The following SIGMAR1 variants were observed in gnomAD, a reference collection of about 807,000 sequenced individuals.
SIGMAR1 encodes the protein SR31747 binding protein 1.
A neutral mutation model predicts 25.4 loss-of-function variants in SIGMAR1; 18 were observed. The observed-to-expected ratio is 0.71, with a 90% CI of 0.49 to 1.05. The LOEUF (loss-of-function observed/expected upper bound fraction) is 1.05, where lower values mean the gene tolerates loss of function less well. SIGMAR1 is among the 50% of genes least tolerant of loss of function. The probability of loss-of-function intolerance (pLI) is 0.00; values close to 1 mark genes in which losing one functional copy is unlikely to be tolerated. For missense variants in SIGMAR1, 249 were observed against 301.6 expected, an observed-to-expected ratio of 0.83 and a Z score of 1.29; for synonymous variants, 125 against 131.6, an observed-to-expected ratio of 0.95 and a Z score of 0.34.
In SIGMAR1 at chr9:34,635,271, G is replaced by C; in HGVS notation, c.*361C>G. The C allele has an allele frequency of 2.8e-6, 1 of 360,796 alleles. No individual in the cohort carries two copies. Among genetic ancestry groups the C allele is most frequent in the Non-Finnish European group, 5.4e-6 (1 of 186,520 alleles). The allele number at this position is 360,796 out of a possible 1,614,324, so 22.3% of individuals were successfully genotyped here. A position where few individuals can be genotyped will look rare whatever the true frequency, so the allele number is the denominator to read the frequency against. On this transcript the variant is annotated 3_prime_UTR_variant, in exon 4 of 4. Coordinates refer to ENST00000277010, the MANE Select transcript of SIGMAR1 (RefSeq NM_005866.4). This position sits in a 1 kb window ranked among gnomAD's most constrained non-coding sequence, Gnocchi z 4.5. Reference sequence around the variant, plus strand: ...CCCCCATCCTTAACTCTAGAACCCCGGTTTGGTGGGGAGGAGGTGGGAAGC... The same window carrying C: ...CCCCCATCCTTAACTCTAGAACCCCCGTTTGGTGGGGAGGAGGTGGGAAGC...
intron 3 of SIGMAR1, among the ~76,000 whole-genome samples, chr9:34,636,074 G>A (rs936808950): frequency 1.1e-4 from 16 of 152,058 alleles, no homozygotes; most frequent in Admixed American, 7.9e-4. Context: ...AGCCATGGAC[G>A]GCTACCTCGC....
rs1464200330 is a variant in SIGMAR1 at position 34,635,578 on chromosome 9, G to A, written c.*54C>T. 6.2e-7 allele frequency: 1 copy of A among 1,610,070 alleles called. No individual in the cohort carries two copies. The highest frequency in any genetic ancestry group is 8.5e-7 in the Non-Finnish European group (1 of 1,178,418). ...AACATGGGCTCCAGCAAGTGGATAT[G>A]TGCGGGCCTGCCCGCTCCTGTCTAT... On this transcript the variant is annotated 3_prime_UTR_variant, in exon 4 of 4. Coordinates refer to ENST00000277010, the MANE Select transcript of SIGMAR1 (RefSeq NM_005866.4). The surrounding 1 kb of genome is among the most constrained non-coding windows in gnomAD (Gnocchi z 4.5).
Position 34,637,350 on chromosome 9 carries a change from C to T in SIGMAR1, c.222G>A (p.Leu74=). 1 of 1,605,422 alleles carries T rather than the reference C, an allele frequency of 6.2e-7. No individual in the cohort carries two copies. Among genetic ancestry groups the T allele is most frequent in the South Asian group, 1.1e-5 (1 of 90,622 alleles). ...ELRRLHPGHV[L]PDEELQWVFV... is the part of the protein sequence containing the mutation. Reference sequence around the variant, plus strand: ...ACACCCACTGCAGCTCCTCGTCGGGCAGCACGTGGCCTGGGTGCAGCCGCC... The same window carrying T: ...ACACCCACTGCAGCTCCTCGTCGGGTAGCACGTGGCCTGGGTGCAGCCGCC... The change falls in exon 2 of 4, where the codon CTG becomes CTA. Residue 74 remains leucine, a synonymous_variant. Transcript: ENST00000277010.
rs1220778756 is a variant in SIGMAR1, at chr9:34,635,671, C to G, written c.633G>C (p.Arg211=). 5 of 1,614,098 alleles carry G rather than the reference C, an allele frequency of 3.1e-6. No individual in the cohort carries two copies. In the African/African-American group the frequency reaches 6.7e-5, roughly 22 times the overall value. ...CAAAGAGGTAGGTGGTGAGCTCAAG[C>G]CGGAGGCCCCGAGCATAGGAGCGAA... The part of the protein sequence containing the change: ...YTLRSYARGL[R]LELTTYLFGQ... Residue 211 remains arginine (R), a synonymous_variant, in exon 4 of 4, where the codon CGG becomes CGC. Transcript: ENST00000277010. The surrounding 1 kb of genome is among the most constrained non-coding windows in gnomAD (Gnocchi z 4.5).
chr9:34,636,491 C>T (rs377591733), intron 3 of SIGMAR1, among the ~76,000 whole-genome samples: 26 of 152,012 alleles, frequency 1.7e-4, no homozygotes, highest in African/African-American at 6.3e-4. Flanking sequence ...AAAAATTAGC[C>T]GGGCGTGGTG....
In SIGMAR1 at chr9:34,635,520, T is replaced by A; in HGVS notation, c.*112A>T. The A allele has an allele frequency of 2.7e-6, 4 of 1,505,790 alleles. No individual in the cohort carries two copies. The highest frequency in any genetic ancestry group is 3.6e-6 in the Non-Finnish European group (4 of 1,104,698). The allele number at this position is 1,505,790 out of a possible 1,614,324, so 93.3% of individuals were successfully genotyped here. On this transcript the variant is annotated 3_prime_UTR_variant, in exon 4 of 4. Coordinates refer to ENST00000277010, the MANE Select transcript of SIGMAR1 (RefSeq NM_005866.4). The surrounding 1 kb of genome is among the most constrained non-coding windows in gnomAD (Gnocchi z 4.5). Reference sequence around the variant, plus strand: ...ATATCCCTGCTCATACAGCAGGAACTCAGGATCTGCATGGTGTATGTCCCT... The same window carrying A: ...ATATCCCTGCTCATACAGCAGGAACACAGGATCTGCATGGTGTATGTCCCT...
At chr9:34,636,666 G>A (rs1017026896) in intron 3 of SIGMAR1, 2 of 427,388 alleles carry the variant, frequency 4.7e-6, no homozygotes, top group Non-Finnish European at 8.8e-6. Context: ...ATAACTGTCT[G>A]TCTTGTCTTT....
intron 1 of SIGMAR1, 30 bp from the exon 2 acceptor site, chr9:34,637,450 G>C: frequency 6.3e-7 from 1 of 1,594,220 alleles, no homozygotes. Flanking sequence ...GGCGGAGTCA[G>C]GGCTGGCACC....
intron 3 of SIGMAR1, 144 bp from the exon 4 acceptor site, chr9:34,636,002 GC>G: frequency 1.7e-6 from 2 of 1,147,652 alleles, no homozygotes; most frequent in Non-Finnish European, 2.5e-6. Context: ...CACTGGGCTG[GC>G]CCAGATGGCC....
Position 34,636,826 on chromosome 9 carries a change from G to C in SIGMAR1, c.445+171C>G, listed in dbSNP as rs41306057. On this transcript the variant is annotated intron_variant, in intron 3 of 3. Coordinates refer to ENST00000277010, the MANE Select transcript of SIGMAR1 (RefSeq NM_005866.4). ...GTTTCCCCTTGACAGAGGAAAGCAAGAGTCCCTCAGCTCTGCCCCAACCAA... is the reference window on the plus strand; with the variant it reads ...GTTTCCCCTTGACAGAGGAAAGCAACAGTCCCTCAGCTCTGCCCCAACCAA... The C allele has an allele frequency of 0.054, 35,272 of 655,790 alleles. 1,125 individuals are homozygous for C. Among genetic ancestry groups the C allele is most frequent in the South Asian group, 0.074 (4,441 of 59,904 alleles). 40.6% of individuals were successfully genotyped at this position (655,790 alleles called of 1,614,324 possible).
At position 34,635,243 on chromosome 9, in the gene SIGMAR1, C is replaced by T. The variant is rs1370397650; in HGVS notation, c.*389G>A. On this transcript the variant is annotated 3_prime_UTR_variant, in exon 4 of 4. Transcript: ENST00000277010. The surrounding 1 kb of genome is among the most constrained non-coding windows in gnomAD (Gnocchi z 4.5). Reference sequence around the variant, plus strand: ...GAGTCAGACTGAGGCAGTATAATACCCTCCCCCATCCTTAACTCTAGAACC... The same window carrying T: ...GAGTCAGACTGAGGCAGTATAATACTCTCCCCCATCCTTAACTCTAGAACC... 2.9e-6 allele frequency: 1 copy of T among 344,874 alleles called. No individual in the cohort carries two copies. Among genetic ancestry groups the T allele is most frequent in the East Asian group, 7.5e-5 (1 of 13,308 alleles). The allele number at this position is 344,874 out of a possible 1,614,324, so 21.4% of individuals were successfully genotyped here.
chr9:34,637,355 C>A lies in SIGMAR1; in HGVS notation c.217G>T (p.Val73Leu). Reference sequence around the variant, plus strand: ...CACTGCAGCTCCTCGTCGGGCAGCACGTGGCCTGGGTGCAGCCGCCGCAGC... The same window carrying A: ...CACTGCAGCTCCTCGTCGGGCAGCAAGTGGCCTGGGTGCAGCCGCCGCAGC... ...VELRRLHPGH[V>L]LPDEELQWVF... Residue 73 changes from valine to leucine, a missense_variant, in exon 2 of 4, where the codon GTG becomes TTG. Transcript: ENST00000277010. 6.2e-7 allele frequency: 1 copy of A among 1,605,516 alleles called. No individual in the cohort carries two copies. Among genetic ancestry groups the A allele is most frequent in the Non-Finnish European group, 8.5e-7 (1 of 1,179,276 alleles).
Position 34,637,232 on chromosome 9 carries a change from G to T in SIGMAR1, c.340C>A (p.Arg114Ser), listed in dbSNP as rs1461020800. Residue 114 changes from arginine to serine, a missense_variant, in exon 2 of 4, where the codon CGC (arginine) becomes AGC (serine). Physicochemically the swap from Arg to Ser is moderately radical, Grantham distance 110 (BLOSUM62 -1). Transcript: ENST00000277010. ...CGCTAGCACTGACCCGAGTGGCCGC[G>T]GGAGCCCAAGGCGGTGCCGAAGAGC... ...VLLFGTALGS[R>S]GHSGRYWAEI... 2 of 1,558,908 alleles carry T rather than the reference G, an allele frequency of 1.3e-6. No homozygotes were observed. Among genetic ancestry groups the T allele is most frequent in the East Asian group, 2.4e-5 (1 of 42,240 alleles).
At chr9:34,636,808 C>T in intron 3 of SIGMAR1, 189 bp downstream of exon 3, 1 of 636,314 alleles carries the variant, frequency 1.6e-6, no homozygotes, top group Admixed American at 2.4e-5. Context: ...TTTGTTTCCC[C>T]TTGACAGAGG....
At chr9:34,636,862 C>G (rs1820883154) in intron 3 of SIGMAR1, 135 bp downstream of exon 3, 2 of 751,860 alleles carry the variant, frequency 2.7e-6, no homozygotes, top group Non-Finnish European at 2.3e-6. Flanking sequence ...TCACCTGTGG[C>G]TTATGGGAGG....
At chr9:34,636,424 G>A (rs1820863739) in intron 3 of SIGMAR1, among the ~76,000 whole-genome samples, 1 of 151,970 alleles carries the variant, frequency 6.6e-6, no homozygotes, top group African/African-American at 2.4e-5. Flanking sequence ...ACGAGGTCAG[G>A]AGATCGAGAC....
chr9:34,636,741 G>A, intron 3 of SIGMAR1: 1 of 572,490 alleles, frequency 1.7e-6, no homozygotes, highest in Non-Finnish European at 3.2e-6. Flanking sequence ...TACTGTCTGG[G>A]CAAAATTGTG....
chr9:34,637,155 A>T, intron 2 of SIGMAR1, 65 bp downstream of exon 2: 1 of 1,598,918 alleles, frequency 6.3e-7, no homozygotes, highest in Non-Finnish European at 8.5e-7. Flanking sequence ...GCCAAACATC[A>T]GAAAGGAGGG....
chr9:34,637,742 G>T lies in SIGMAR1; in HGVS notation c.-45C>A, dbSNP rs530027122. 2 of 1,362,750 alleles carry T rather than the reference G, an allele frequency of 1.5e-6. No homozygotes were observed. The highest frequency in any genetic ancestry group is 6.2e-5 in the Admixed American group (2 of 32,020). 84.4% of individuals were successfully genotyped at this position (1,362,750 alleles called of 1,614,324 possible). A position where few individuals can be genotyped will look rare whatever the true frequency, so the allele number is the denominator to read the frequency against. On this transcript the variant is annotated 5_prime_UTR_variant, in exon 1 of 4. Transcript: ENST00000277010. ...CGGCGCAGCTCAGGAGGGAGCCGGG[G>T]CCTGAGGCTTTGCGCTCACGGCCTC...
Sources: allele counts gnomAD v4.1 joint callset (sites outside exome capture counted in the v4.1 genomes callset), GRCh38; gene constraint gnomAD v4.1.1; non-coding constraint Gnocchi (gnomAD v3.1); transcripts MANE v1.5; gene names NCBI Gene and HGNC (gene_info 2026-07-23, HGNC 2026-07-21).